REDIC1: variants seen among roughly 807,000 people sequenced by gnomAD.
REDIC1 encodes the protein regulator of DNA class I crossover intermediates 1, also known as HEI10 Interacting Protein 1.
chr12:39,889,932 G>A, the REDIC1 span, among the ~76,000 whole-genome samples: 3 of 151,944 alleles, frequency 2.0e-5, no homozygotes, highest in African/African-American at 7.3e-5. Context: ...ATAATTCTTT[G>A]TATCTTCATC....
chr12:39,695,923 G>A, the REDIC1 span, among the ~76,000 whole-genome samples: 1,838 of 152,262 alleles, frequency 0.012, 15 homozygotes, highest in Non-Finnish European at 0.021. Context: ...CTGTTCATTT[G>A]GAAGAAAGTA....
At chr12:39,858,683 T>C in the REDIC1 span, among the ~76,000 whole-genome samples, 3 of 152,326 alleles carry the variant, frequency 2.0e-5, no homozygotes, top group South Asian at 2.1e-4. Context: ...CTCGGCTCAC[T>C]GCAACCTCCG....
the REDIC1 span, among the ~76,000 whole-genome samples, chr12:39,867,701 G>A: frequency 6.6e-6 from 1 of 152,052 alleles, no homozygotes; most frequent in African/African-American, 2.4e-5. Context: ...GGCCCATTTT[G>A]GAGGAAAATA....
the REDIC1 span, among the ~76,000 whole-genome samples, chr12:39,664,831 G>C: frequency 6.6e-6 from 1 of 152,200 alleles, no homozygotes; most frequent in Non-Finnish European, 1.5e-5. Context: ...GGACAGTGAT[G>C]ATGAGCATTT....
the REDIC1 span, among the ~76,000 whole-genome samples, chr12:39,790,465 C>A: frequency 3.4e-5 from 5 of 148,774 alleles, no homozygotes; most frequent in African/African-American, 1.2e-4. Flanking sequence ...TGAGAATATG[C>A]GGTGTTTGGT....
chr12:39,700,176 A>G, the REDIC1 span, among the ~76,000 whole-genome samples: 1 of 152,220 alleles, frequency 6.6e-6, no homozygotes, highest in Non-Finnish European at 1.5e-5. Flanking sequence ...AAGGCAAAGA[A>G]GTTGAAAACT....
chr12:39,888,372 A>G, the REDIC1 span, among the ~76,000 whole-genome samples: 5 of 152,142 alleles, frequency 3.3e-5, no homozygotes, highest in East Asian at 9.6e-4. Context: ...CTACAGGTGC[A>G]TGGCACCACA....
the REDIC1 span, among the ~76,000 whole-genome samples, chr12:39,687,245 G>A: frequency 6.8e-4 from 103 of 152,104 alleles, 1 homozygote; most frequent in Middle Eastern, 0.01. Flanking sequence ...TCAAAATTCC[G>A]CTCCTGGCAC....
chr12:39,650,467 G>A, the REDIC1 span: 1 of 1,349,292 alleles, frequency 7.4e-7, no homozygotes, highest in Non-Finnish European at 9.7e-7. The surrounding 1 kb of genome is among the most constrained non-coding windows in gnomAD (Gnocchi z 4.3). Context: ...ACAGTCCTAA[G>A]TAATACTTCT....
At chr12:39,877,290 A>G in the REDIC1 span, among the ~76,000 whole-genome samples, 1 of 152,188 alleles carries the variant, frequency 6.6e-6, no homozygotes, top group Admixed American at 6.5e-5. Context: ...GAGCAAAGGT[A>G]TGTCTTACAC....
At chr12:39,801,526 G>A in the REDIC1 span, among the ~76,000 whole-genome samples, 1 of 152,004 alleles carries the variant, frequency 6.6e-6, no homozygotes, top group African/African-American at 2.4e-5. Context: ...TCAAATTTGG[G>A]AAATATTCCA....
the REDIC1 span, among the ~76,000 whole-genome samples, chr12:39,898,745 CAG>C: frequency 9.3e-4 from 141 of 152,124 alleles, 2 homozygotes; most frequent in Admixed American, 9.1e-3. Context: ...GGAATGGAAC[CAG>C]AGTCACCCAC....
the REDIC1 span, among the ~76,000 whole-genome samples, chr12:39,883,654 T>C: frequency 2.0e-5 from 3 of 152,256 alleles, no homozygotes; most frequent in Non-Finnish European, 4.4e-5. Flanking sequence ...GACTGTTTTA[T>C]TTTAAGCTGT....
At chr12:39,709,226 G>GTT in the REDIC1 span, among the ~76,000 whole-genome samples, 1 of 142,982 alleles carries the variant, frequency 7.0e-6, no homozygotes, top group African/African-American at 2.6e-5. Flanking sequence ...AGACTTATGT[G>GTT]TTTTTTTTTT....
At chr12:39,716,324 G>T in the REDIC1 span, among the ~76,000 whole-genome samples, 1 of 151,940 alleles carries the variant, frequency 6.6e-6, no homozygotes, top group Non-Finnish European at 1.5e-5. Context: ...CTTTGAATAG[G>T]TTTTATTCGC....
the REDIC1 span, among the ~76,000 whole-genome samples, chr12:39,664,916 T>G: frequency 6.6e-6 from 1 of 152,080 alleles, no homozygotes. Context: ...CCCTTTTTGA[T>G]GCGGTTGTTT....
the REDIC1 span, among the ~76,000 whole-genome samples, chr12:39,895,818 ACATG>A: frequency 8.2e-5 from 8 of 97,314 alleles, 3 homozygotes; most frequent in Non-Finnish European, 1.3e-4. Flanking sequence ...ATACGTACAC[ACATG>A]TATATGCGTG....
the REDIC1 span, chr12:39,721,362 T>G: frequency 4.6e-6 from 4 of 867,300 alleles, no homozygotes; most frequent in East Asian, 1.0e-4. Context: ...TAGCTAAGCA[T>G]AAGCTGACAG....
chr12:39,667,685 T>C, the REDIC1 span, among the ~76,000 whole-genome samples: 9 of 152,182 alleles, frequency 5.9e-5, no homozygotes, highest in Non-Finnish European at 8.8e-5. Flanking sequence ...CTCCCATTAT[T>C]AATGTGTGGG....
Sources: gnomAD v4.1 joint callset for allele counts (sites outside exome capture counted in the v4.1 genomes callset) on GRCh38, gnomAD v4.1.1 for gene constraint, Gnocchi (gnomAD v3.1) non-coding constraint, MANE v1.5 for transcripts, NCBI Gene and HGNC (gene_info 2026-07-23, HGNC 2026-07-21) for gene names.